Variants in TRAPPC9 observed in about 807,000 individuals in gnomAD.
The protein encoded by TRAPPC9 is trafficking protein particle complex subunit 9.
TRAPPC9 carries 83 observed loss-of-function variants against 124.0 expected under a neutral mutation model. That is an observed-to-expected ratio of 0.67 (90% CI 0.56 to 0.80). The LOEUF (loss-of-function observed/expected upper bound fraction) is 0.80. Among genes scored for constraint, TRAPPC9 ranks in the 30% least tolerant of loss-of-function variants. TRAPPC9 has a pLI of 0.00. For synonymous variants in TRAPPC9, 638 were observed against 617.5 expected, an observed-to-expected ratio of 1.03 and a Z score of -0.49; for missense variants, 1,302 against 1,508.3, an observed-to-expected ratio of 0.86 and a Z score of 2.27.
intron 7 of TRAPPC9, among the ~76,000 whole-genome samples, chr8:140,393,482 C>T (rs1019718791): frequency 6.6e-6 from 1 of 152,130 alleles, no homozygotes; most frequent in African/African-American, 2.4e-5. Flanking sequence ...AGATAATTAT[C>T]ATAAACCATT....
At position 139,907,886 on chromosome 8, in the gene TRAPPC9, A is replaced by C. The variant is rs576838791; in HGVS notation, c.2964+2261T>G. Among the ~76,000 whole-genome samples, 1 of 152,360 alleles carries C rather than the reference A, an allele frequency of 6.6e-6. No individual in the cohort carries two copies. Among genetic ancestry groups the C allele is most frequent in the South Asian group, 2.1e-4 (1 of 4,820 alleles). On this transcript the variant is annotated intron_variant, in intron 20 of 22. Coordinates refer to ENST00000438773, the MANE Select transcript of TRAPPC9 (RefSeq NM_001160372.4). This position sits in a 1 kb window ranked among gnomAD's most constrained non-coding sequence, Gnocchi z 4.7. Reference sequence around the variant, plus strand: ...GGGCGGGGACTGCAGGCTGGCAGACAAGCTACGGGGTGCAGGAACTGGCCA... The same window carrying C: ...GGGCGGGGACTGCAGGCTGGCAGACCAGCTACGGGGTGCAGGAACTGGCCA...
At chr8:140,448,805 C>T (rs924444691) in intron 2 of TRAPPC9, among the ~76,000 whole-genome samples, 1 of 152,224 alleles carries the variant, frequency 6.6e-6, no homozygotes, top group African/African-American at 2.4e-5. Context: ...CAGAAGGCAA[C>T]AAGGTGAGGT....
intron 21 of TRAPPC9, among the ~76,000 whole-genome samples, chr8:139,760,181 G>C (rs1381344174): frequency 6.6e-6 from 1 of 152,200 alleles, no homozygotes; most frequent in East Asian, 1.9e-4. Flanking sequence ...AGGTCTGTGT[G>C]GCTCTGTGAG....
At chr8:139,925,534 G>T (rs1832756897) in intron 19 of TRAPPC9, among the ~76,000 whole-genome samples, 2 of 152,032 alleles carry the variant, frequency 1.3e-5, no homozygotes, top group African/African-American at 4.8e-5. Flanking sequence ...GATTGCTTGA[G>T]GCCAGGAGTT....
At chr8:139,816,018 G>C (rs140416337) in intron 21 of TRAPPC9, among the ~76,000 whole-genome samples, 2 of 152,224 alleles carry the variant, frequency 1.3e-5, no homozygotes, top group African/African-American at 2.4e-5. Flanking sequence ...GTGGATTCCC[G>C]AGCCTGGATA....
chr8:139,950,913 G>A (rs1834600366), intron 19 of TRAPPC9, among the ~76,000 whole-genome samples: 1 of 152,152 alleles, frequency 6.6e-6, no homozygotes, highest in African/African-American at 2.4e-5. Context: ...CGGCAGGGAG[G>A]GAGCCGCACC....
At chr8:140,394,146 T>G (rs2069018861) in intron 7 of TRAPPC9, among the ~76,000 whole-genome samples, 2 of 152,228 alleles carry the variant, frequency 1.3e-5, no homozygotes, top group South Asian at 4.1e-4. Flanking sequence ...GAAAAGAGAT[T>G]CCCTGCATGC....
At chr8:140,143,379 TACC>T (rs202090447) in intron 17 of TRAPPC9, among the ~76,000 whole-genome samples, 5,645 of 152,280 alleles carry the variant, frequency 0.037, 136 homozygotes, top group Non-Finnish European at 0.055. Context: ...ATAGTCTACA[TACC>T]AGTCCTCTGA....
chr8:140,414,075 G>C lies in TRAPPC9; in HGVS notation c.887-8377C>G, dbSNP rs118131509. On this transcript the variant is annotated intron_variant, in intron 5 of 22. Transcript: ENST00000438773. ...AGGTCTGATTCTTTTTCTTCCCCAG[G>C]AACATAAAAATTCTGGAATAAGACT... is the stretch of plus-strand genomic sequence containing the variant. Among the ~76,000 whole-genome samples the C allele has an allele frequency of 5.1e-3, 771 of 152,038 alleles. 4 individuals are homozygous for C. The highest frequency in any genetic ancestry group is 0.019 in the East Asian group (96 of 5,164).
chr8:139,950,301 G>A (rs914772461), intron 19 of TRAPPC9, among the ~76,000 whole-genome samples: 1 of 152,232 alleles, frequency 6.6e-6, no homozygotes, highest in Non-Finnish European at 1.5e-5. Context: ...GGCAAACCGC[G>A]GAGCTCAGGC....
chr8:140,226,522 G>A (rs1731337737), intron 16 of TRAPPC9, among the ~76,000 whole-genome samples: 1 of 150,028 alleles, frequency 6.7e-6, no homozygotes, highest in Non-Finnish European at 1.5e-5. Flanking sequence ...AACCTGAGAG[G>A]CAGAGGTTGC....
At chr8:140,233,093 C>A (rs1164033388) in intron 16 of TRAPPC9, among the ~76,000 whole-genome samples, 1 of 152,218 alleles carries the variant, frequency 6.6e-6, no homozygotes, top group Non-Finnish European at 1.5e-5. Flanking sequence ...CTGACAGTTT[C>A]AAGGTAGAGC....
chr8:140,227,493 A>C (rs2063481885), intron 16 of TRAPPC9, among the ~76,000 whole-genome samples: 1 of 152,254 alleles, frequency 6.6e-6, no homozygotes, highest in Non-Finnish European at 1.5e-5. Flanking sequence ...CTGAGCTTTC[A>C]GAGAGAATTT....
intron 9 of TRAPPC9, among the ~76,000 whole-genome samples, chr8:140,319,419 C>T (rs779343016): frequency 3.3e-5 from 5 of 151,894 alleles, no homozygotes; most frequent in Non-Finnish European, 7.4e-5. Context: ...CCTCCTGATC[C>T]GCCCACCTCA....
chr8:140,159,790 T>C (rs559979724), intron 17 of TRAPPC9, among the ~76,000 whole-genome samples: 3 of 152,314 alleles, frequency 2.0e-5, no homozygotes, highest in Non-Finnish European at 4.4e-5. Flanking sequence ...CAGCCCTGTG[T>C]GGCCAAACAG....
intron 21 of TRAPPC9, among the ~76,000 whole-genome samples, chr8:139,807,189 T>A (rs559867312): frequency 4.6e-5 from 7 of 151,992 alleles, no homozygotes; most frequent in African/African-American, 1.7e-4. Flanking sequence ...GTGGGGTGAG[T>A]AGGGGCCAGA....
intron 19 of TRAPPC9, among the ~76,000 whole-genome samples, chr8:139,948,601 C>T (rs1009400098): frequency 1.4e-4 from 22 of 152,162 alleles, no homozygotes; most frequent in African/African-American, 4.6e-4. Context: ...GAGGAGCCCC[C>T]CACCCTACCT....
Position 140,398,646 on chromosome 8 carries a change from C to G in TRAPPC9, c.1009-901G>C, listed in dbSNP as rs1320480572. On this transcript the variant is annotated intron_variant, in intron 6 of 22. Coordinates refer to ENST00000438773, the MANE Select transcript of TRAPPC9 (RefSeq NM_001160372.4). ...TTAGGATATCTGGCAGAAGAAATTT[C>G]TAAGCAGCAAAGCATTCAAGAGATA... Among the ~76,000 whole-genome samples the G allele has an allele frequency of 5.9e-5, 9 of 152,082 alleles. No individual in the cohort carries two copies. In the East Asian group the frequency reaches 1.7e-3, roughly 29 times the overall value.
intron 1 of TRAPPC9, among the ~76,000 whole-genome samples, chr8:140,455,979 T>G (rs2071646414): frequency 6.6e-6 from 1 of 152,108 alleles, no homozygotes. Context: ...TCTATATATA[T>G]CGAAAGTAAA....
Sources: gnomAD v4.1 joint callset for allele counts (sites outside exome capture counted in the v4.1 genomes callset) on GRCh38, gnomAD v4.1.1 for gene constraint, Gnocchi (gnomAD v3.1) non-coding constraint, MANE v1.5 for transcripts, NCBI Gene and HGNC (gene_info 2026-07-23, HGNC 2026-07-21) for gene names.